The following TBCK variants were observed in gnomAD, a reference collection of about 807,000 sequenced individuals.
TBCK encodes TBC domain-containing protein kinase-like protein.
In TBCK, 99 loss-of-function variants were observed where a neutral mutation model predicts 113.4. The observed-to-expected ratio is 0.87, with a 90% CI of 0.74 to 1.03. TBCK has a LOEUF of 1.03. TBCK is among the 50% of genes least tolerant of loss of function. The probability of loss-of-function intolerance (pLI) is 0.00; values close to 1 mark genes in which losing one functional copy is unlikely to be tolerated. For missense variants in TBCK, 1,045 were observed against 1,061.3 expected (o/e 0.98, Z 0.21); for synonymous variants, 369 against 370.8 (o/e 1.00, Z 0.05).
intron 25 of TBCK, among the ~76,000 whole-genome samples, chr4:106,061,882 G>A (rs1309528180): frequency 6.6e-6 from 1 of 151,710 alleles, no homozygotes; most frequent in Non-Finnish European, 1.5e-5. Flanking sequence ...TGTTCATGGT[G>A]AACTCTTTAT....
intron 23 of TBCK, among the ~76,000 whole-genome samples, chr4:106,134,774 T>C (rs1238186489): frequency 6.6e-6 from 1 of 152,172 alleles, no homozygotes; most frequent in Non-Finnish European, 1.5e-5. Context: ...GCAGAAGACA[T>C]TAATTTACCT....
At chr4:106,298,356 G>A (rs982773424) in intron 2 of TBCK, among the ~76,000 whole-genome samples, 1 of 152,010 alleles carries the variant, frequency 6.6e-6, no homozygotes, top group Non-Finnish European at 1.5e-5. Context: ...GCTCACGCCT[G>A]TAATCCCAGC....
chr4:106,237,746 A>T (rs1178846467), intron 12 of TBCK, among the ~76,000 whole-genome samples: 4 of 152,180 alleles, frequency 2.6e-5, no homozygotes, highest in East Asian at 1.9e-4. Context: ...ATCCTATTTT[A>T]AAAAACCTTT....
At chr4:106,311,754 T>C (rs1768218937) in intron 1 of TBCK, among the ~76,000 whole-genome samples, 1 of 152,132 alleles carries the variant, frequency 6.6e-6, no homozygotes, top group African/African-American at 2.4e-5. Context: ...TGTGTGTTAA[T>C]ACCACATATT....
intron 19 of TBCK, among the ~76,000 whole-genome samples, chr4:106,229,996 A>T (rs1020825992): frequency 4.6e-5 from 7 of 151,960 alleles, no homozygotes; most frequent in African/African-American, 1.7e-4. Flanking sequence ...AGTATTTTTA[A>T]TACTCTGCTT....
intron 3 of TBCK, among the ~76,000 whole-genome samples, chr4:106,281,938 T>C (rs754633998): frequency 1.3e-5 from 2 of 152,110 alleles, no homozygotes; most frequent in Non-Finnish European, 2.9e-5. Flanking sequence ...TTAGAAGAAT[T>C]CCTTCCTCCT....
At chr4:106,181,636 C>T (rs960754751) in intron 22 of TBCK, among the ~76,000 whole-genome samples, 8 of 152,080 alleles carry the variant, frequency 5.3e-5, no homozygotes, top group African/African-American at 1.9e-4. Context: ...ATCTTTTCCC[C>T]ATTGCTTGTG....
At chr4:106,143,508 C>T (rs1194160669) in intron 23 of TBCK, among the ~76,000 whole-genome samples, 1 of 152,054 alleles carries the variant, frequency 6.6e-6, no homozygotes, top group Non-Finnish European at 1.5e-5. Flanking sequence ...TGGCAAATTA[C>T]CATGTAAATT....
intron 3 of TBCK, among the ~76,000 whole-genome samples, chr4:106,275,752 G>A (rs185610262): frequency 9.9e-5 from 15 of 152,150 alleles, no homozygotes; most frequent in Admixed American, 2.0e-4. Flanking sequence ...ATAAAACACT[G>A]TTGAGAGATA....
chr4:106,297,725 T>C (rs887631743), intron 2 of TBCK: 2 of 152,240 alleles, frequency 1.3e-5, no homozygotes, highest in African/African-American at 2.4e-5. Flanking sequence ...TGGGTTCTTA[T>C]TGCCTGAAAT....
chr4:106,293,033 C>T (rs1275012144), intron 3 of TBCK, among the ~76,000 whole-genome samples: 1 of 152,198 alleles, frequency 6.6e-6, no homozygotes, highest in African/African-American at 2.4e-5. Context: ...CCTATCTCAG[C>T]TTTCAAAAGA....
At chr4:106,243,913 C>G (rs999922275) in intron 11 of TBCK, among the ~76,000 whole-genome samples, 3 of 151,992 alleles carry the variant, frequency 2.0e-5, no homozygotes, top group Non-Finnish European at 4.4e-5. Flanking sequence ...TCTCAAACTC[C>G]TAGGTTCAAG....
intron 23 of TBCK, among the ~76,000 whole-genome samples, chr4:106,121,467 A>C (rs566051655): frequency 2.9e-3 from 434 of 148,812 alleles, no homozygotes; most frequent in Non-Finnish European, 4.3e-3. Flanking sequence ...CAGATCAACG[A>C]GACAGAAAGT....
intron 8 of TBCK, 62 bp downstream of exon 8, chr4:106,248,859 C>T: frequency 7.5e-7 from 1 of 1,337,422 alleles, no homozygotes; most frequent in Non-Finnish European, 1.0e-6. Context: ...TTATAAGTTA[C>T]CCAATATCAG....
intron 2 of TBCK, among the ~76,000 whole-genome samples, chr4:106,298,806 T>C (rs535827798): frequency 2.0e-4 from 30 of 152,288 alleles, no homozygotes; most frequent in African/African-American, 6.7e-4. Flanking sequence ...TATGACCACA[T>C]TGCAAGAGAA....
chr4:106,216,949 A>G (rs1311201996), intron 19 of TBCK, among the ~76,000 whole-genome samples: 3 of 152,176 alleles, frequency 2.0e-5, no homozygotes, highest in African/African-American at 7.2e-5. Context: ...CTTGATGAAC[A>G]TTGATGCAAA....
In TBCK at chr4:106,138,418, C is replaced by T. The variant is rs1404400476; in HGVS notation, c.2236-22040G>A. On this transcript the variant is annotated intron_variant, in intron 23 of 25. Transcript: ENST00000394708. ...AAAACCAATACATAATACTTAATGA[C>T]TCCACTGGAGTTTCTATTTAAGGAG... Among the ~76,000 whole-genome samples, 3 of 141,642 alleles carry T rather than the reference C, an allele frequency of 2.1e-5. 1 individual carries two copies. The highest frequency in any genetic ancestry group is 4.8e-5 in the Non-Finnish European group (3 of 62,324). 92.9% of individuals were successfully genotyped at this position (141,642 alleles called of 152,430 possible).
In TBCK at chr4:106,217,572, C is replaced by T. The variant is rs532459092; in HGVS notation, c.1775-4737G>A. On this transcript the variant is annotated intron_variant, in intron 19 of 25. Transcript: ENST00000394708. ...AATCACAAGCATTCCTATACACCAA[C>T]AACAGACAAACAGAGAGCCAAATCA... Among the ~76,000 whole-genome samples, 568 of 151,724 alleles carry T rather than the reference C, an allele frequency of 3.7e-3. 3 individuals are homozygous for T. The highest frequency in any genetic ancestry group is 6.5e-3 in the Non-Finnish European group (438 of 67,818).
At chr4:106,101,755 G>A (rs1741583286) in intron 24 of TBCK, among the ~76,000 whole-genome samples, 1 of 152,124 alleles carries the variant, frequency 6.6e-6, no homozygotes, top group African/African-American at 2.4e-5. Flanking sequence ...TTCCTTTAAA[G>A]TATTGCTGTT....
Sources: allele counts gnomAD v4.1 joint callset (sites outside exome capture counted in the v4.1 genomes callset), GRCh38; gene constraint gnomAD v4.1.1; transcripts MANE v1.5; gene names NCBI Gene and HGNC (gene_info 2026-07-23, HGNC 2026-07-21).